The following CMIP variants were observed in gnomAD, a reference collection of about 807,000 sequenced individuals.
CMIP encodes the protein C-Maf-inducing protein.
CMIP carries 13 observed loss-of-function variants against 97.3 expected under a neutral mutation model. The observed-to-expected ratio is 0.13, with a 90% CI of 0.09 to 0.21. The LOEUF (loss-of-function observed/expected upper bound fraction) is 0.21, where lower values mean the gene tolerates loss of function less well. Among genes scored for constraint, CMIP ranks in the 10% least tolerant of loss-of-function variants. The probability of loss-of-function intolerance (pLI) is 1.00; values close to 1 mark genes in which losing one functional copy is unlikely to be tolerated. For missense variants in CMIP, 847 were observed against 1,024.9 expected (o/e 0.83, Z 2.37); for synonymous variants, 538 against 436.3 (o/e 1.23, Z -2.91).
intron 1 of CMIP, among the ~76,000 whole-genome samples, chr16:81,553,530 C>T (rs2090701460): frequency 6.6e-6 from 1 of 152,178 alleles, no homozygotes; most frequent in African/African-American, 2.4e-5. Context: ...TGTCCCGGCG[C>T]CAGCTTCGAA....
chr16:81,463,519 C>T (rs1907015584), intron 1 of CMIP, among the ~76,000 whole-genome samples: 1 of 152,194 alleles, frequency 6.6e-6, no homozygotes, highest in Admixed American at 6.5e-5. Context: ...TATGAGCGTG[C>T]TGTGCGCATG....
intron 10 of CMIP, among the ~76,000 whole-genome samples, chr16:81,687,349 T>C (rs193004589): frequency 2.3e-3 from 355 of 152,272 alleles, no homozygotes; most frequent in South Asian, 4.1e-3. Flanking sequence ...TGGGGACTGC[T>C]CCAGTGGCCA....
At chr16:81,563,477 C>T (rs1258437795) in intron 1 of CMIP, among the ~76,000 whole-genome samples, 3 of 152,214 alleles carry the variant, frequency 2.0e-5, no homozygotes, top group Admixed American at 6.5e-5. Context: ...CAGCGTCAGC[C>T]TCACCTGGGA....
chr16:81,651,798 G>A, intron 3 of CMIP, among the ~76,000 whole-genome samples: 1 of 152,196 alleles, frequency 6.6e-6, no homozygotes, highest in East Asian at 1.9e-4. Flanking sequence ...ACTGGCTTGA[G>A]AGCCCGAGCA....
chr16:81,656,733 A>G (rs1381735262), intron 4 of CMIP, among the ~76,000 whole-genome samples: 3 of 152,086 alleles, frequency 2.0e-5, no homozygotes, highest in South Asian at 2.1e-4. Context: ...CGCCTTTTGG[A>G]TTCAAATGCT....
intron 1 of CMIP, among the ~76,000 whole-genome samples, chr16:81,520,778 C>G (rs1056728923): frequency 2.0e-5 from 3 of 152,266 alleles, no homozygotes; most frequent in Admixed American, 1.3e-4. Flanking sequence ...CTTAACTTCT[C>G]TGAGCCTCAT....
chr16:81,458,109 C>T (rs773581216), intron 1 of CMIP, among the ~76,000 whole-genome samples: 2 of 152,234 alleles, frequency 1.3e-5, no homozygotes, highest in Non-Finnish European at 2.9e-5. Context: ...GCTTCTTGTG[C>T]CCTGTCTGAA....
chr16:81,467,647 C>T (rs1356295708), intron 1 of CMIP, among the ~76,000 whole-genome samples: 1 of 149,042 alleles, frequency 6.7e-6, no homozygotes, highest in Non-Finnish European at 1.5e-5. Flanking sequence ...GTGGCATGAT[C>T]TTGGCTCACT....
At chr16:81,663,981 C>T (rs990886713) in intron 6 of CMIP, among the ~76,000 whole-genome samples, 2 of 152,164 alleles carry the variant, frequency 1.3e-5, no homozygotes, top group Non-Finnish European at 2.9e-5. Context: ...CTGGAACGCC[C>T]CCACCCCATC....
intron 1 of CMIP, among the ~76,000 whole-genome samples, chr16:81,503,696 C>A (rs975875996): frequency 3.7e-4 from 56 of 152,366 alleles, no homozygotes; most frequent in African/African-American, 1.3e-3. Flanking sequence ...CGCGCCTGGC[C>A]TTCTGCCCCA....
chr16:81,642,493 C>G (rs1357008889), intron 3 of CMIP, among the ~76,000 whole-genome samples: 1 of 152,142 alleles, frequency 6.6e-6, no homozygotes, highest in Non-Finnish European at 1.5e-5. Context: ...CCCCTTACAC[C>G]CTGTGCTGTC....
At chr16:81,674,805 C>G (rs907854951) in intron 9 of CMIP, among the ~76,000 whole-genome samples, 12 of 151,870 alleles carry the variant, frequency 7.9e-5, no homozygotes, top group African/African-American at 2.7e-4. Flanking sequence ...AGGCTGGTCT[C>G]GAACTCCTGA....
chr16:81,454,815 G>A (rs959533202), intron 1 of CMIP, among the ~76,000 whole-genome samples: 24 of 152,196 alleles, frequency 1.6e-4, no homozygotes, highest in African/African-American at 5.8e-4. Context: ...CCATCATGGG[G>A]GTGGGGAGTT....
At position 81,477,075 on chromosome 16, in the gene CMIP, A is replaced by G. The variant is rs150147595; in HGVS notation, c.300+31534A>G. Among the ~76,000 whole-genome samples the G allele has an allele frequency of 6.6e-5, 10 of 152,126 alleles. No homozygotes were observed. The East Asian group carries it at 1.9e-3, about 29-fold the overall frequency. On this transcript the variant is annotated intron_variant, in intron 1 of 20. Transcript: ENST00000537098. ...CGCGTTGAGCTGAGCACCTGGGCAT[A>G]TGGTTGATGCTTGAAAAATGGCAGC...
intron 10 of CMIP, among the ~76,000 whole-genome samples, chr16:81,683,816 C>T (rs1490454029): frequency 1.6e-5 from 2 of 124,720 alleles, no homozygotes; most frequent in Non-Finnish European, 3.1e-5. Flanking sequence ...GGCTGCAGTG[C>T]AGTGACGCGA....
rs191952298 is a variant in CMIP at position 81,594,479 on chromosome 16, C to T, written c.301-13088C>T. ...AAGTGTACAGTTGGGTTGATTTCAC[C>T]GTACAGCAGTCCCCCCTTTCCCATG... On this transcript the variant is annotated intron_variant, in intron 1 of 20. Transcript: ENST00000537098. 6.2e-4 allele frequency among the ~76,000 whole-genome samples: 94 copies of T among 152,000 alleles called. 2 individuals carry two copies. The highest frequency in any genetic ancestry group is 5.0e-3 in the Admixed American group (76 of 15,284).
chr16:81,458,697 T>C (rs1906712518), intron 1 of CMIP, among the ~76,000 whole-genome samples: 1 of 152,134 alleles, frequency 6.6e-6, no homozygotes, highest in Non-Finnish European at 1.5e-5. Context: ...AGGACAGTGA[T>C]CGGGCAGGTT....
Position 81,684,606 on chromosome 16 carries a change from T to C in CMIP, c.1388+5978T>C, listed in dbSNP as rs190178947. On this transcript the variant is annotated intron_variant, in intron 10 of 20. Coordinates refer to ENST00000537098, the MANE Select transcript of CMIP (RefSeq NM_198390.3). ...CACAAAGCCTTGTTCAGTCCCAACA[T>C]GTCCCCCATTAGCTCTGTGACCTTT... 2.7e-3 allele frequency among the ~76,000 whole-genome samples: 415 copies of C among 152,368 alleles called. 1 individual carries two copies. The highest frequency in any genetic ancestry group is 4.8e-3 in the Non-Finnish European group (325 of 68,028).
At chr16:81,677,901 C>T (rs947862309) in intron 9 of CMIP, among the ~76,000 whole-genome samples, 2 of 152,204 alleles carry the variant, frequency 1.3e-5, no homozygotes, top group African/African-American at 4.8e-5. Flanking sequence ...ATCCCATTGG[C>T]TTATCAAGAA....
Sources: gnomAD v4.1 joint callset for allele counts (sites outside exome capture counted in the v4.1 genomes callset) on GRCh38, gnomAD v4.1.1 for gene constraint, MANE v1.5 for transcripts, NCBI Gene and HGNC (gene_info 2026-07-23, HGNC 2026-07-21) for gene names.